DTNB: variants seen among roughly 807,000 people sequenced by gnomAD.
DTNB encodes dystrobrevin beta.
In DTNB, 63 loss-of-function variants were observed where a neutral mutation model predicts 90.7. That is an observed-to-expected ratio of 0.69 (90% CI 0.57 to 0.86). The LOEUF (loss-of-function observed/expected upper bound fraction) is 0.86. Ranked by LOEUF, DTNB falls within the 40% of genes least tolerant of loss-of-function variation. The pLI is 0.00. For synonymous variants in DTNB, 277 were observed against 286.7 expected (o/e 0.97, Z 0.34); for missense variants, 744 against 807.1 (o/e 0.92, Z 0.95).
intron 5 of DTNB, among the ~76,000 whole-genome samples, chr2:25,598,314 A>G (rs927917432): frequency 6.6e-5 from 10 of 152,088 alleles, no homozygotes; most frequent in South Asian, 4.2e-4. Flanking sequence ...ATGGTAGGGG[A>G]AAAAAAAGAC....
At chr2:25,531,421 A>G (rs2078148630) in intron 9 of DTNB, 52 bp downstream of exon 9, 1 of 1,567,120 alleles carries the variant, frequency 6.4e-7, no homozygotes, top group African/African-American at 1.4e-5. Flanking sequence ...CAGGAATTTC[A>G]CAAGGCCCCC....
chr2:25,544,179 T>TG (rs2151045011), intron 8 of DTNB, among the ~76,000 whole-genome samples: 1 of 152,156 alleles, frequency 6.6e-6, no homozygotes, highest in South Asian at 2.1e-4. Context: ...GAGTCAGGGG[T>TG]GGGGACACGG....
chr2:25,514,680 TC>T (rs141355165), intron 9 of DTNB, among the ~76,000 whole-genome samples: 21 of 139,198 alleles, frequency 1.5e-4, no homozygotes, highest in Admixed American at 5.0e-4. Flanking sequence ...TTGAAAAAAA[TC>T]TTTTTTTTTT....
chr2:25,416,447 G>C (rs143494828), intron 16 of DTNB, among the ~76,000 whole-genome samples: 1 of 152,172 alleles, frequency 6.6e-6, no homozygotes, highest in Non-Finnish European at 1.5e-5. Flanking sequence ...CAATGCGGGC[G>C]GATCAACTGA....
At chr2:25,653,445 A>C (rs2081367129) in intron 1 of DTNB, among the ~76,000 whole-genome samples, 2 of 149,820 alleles carry the variant, frequency 1.3e-5, no homozygotes, top group Admixed American at 1.3e-4. Flanking sequence ...AAAAAAAAAA[A>C]AGAAAGAAGG....
At chr2:25,485,659 C>T (rs1220478627) in intron 9 of DTNB, among the ~76,000 whole-genome samples, 1 of 152,108 alleles carries the variant, frequency 6.6e-6, no homozygotes. Flanking sequence ...TATATGTCTG[C>T]AGTTTAAAAT....
chr2:25,464,537 A>C (rs1393975158), intron 10 of DTNB, among the ~76,000 whole-genome samples: 4 of 152,216 alleles, frequency 2.6e-5, no homozygotes, highest in African/African-American at 9.7e-5. Flanking sequence ...CAAATGGGAG[A>C]TATACAGAGG....
chr2:25,474,582 T>TGCTATATTCTATA (rs1407487333), intron 10 of DTNB, among the ~76,000 whole-genome samples: 1 of 152,232 alleles, frequency 6.6e-6, no homozygotes, highest in African/African-American at 2.4e-5. Context: ...TTTGTCATTC[T>TGCTATATTCTATA]GCTATATTCT....
chr2:25,516,250 C>A (rs1384595230), intron 9 of DTNB, among the ~76,000 whole-genome samples: 2 of 151,918 alleles, frequency 1.3e-5, no homozygotes, highest in Non-Finnish European at 2.9e-5. Flanking sequence ...CTGTCACTTT[C>A]TTTCTTTCTT....
chr2:25,402,721 C>T (rs1166038407), intron 16 of DTNB, among the ~76,000 whole-genome samples: 2 of 152,156 alleles, frequency 1.3e-5, no homozygotes, highest in African/African-American at 4.8e-5. Flanking sequence ...ACTGTGATGG[C>T]TGGTGAGGCA....
chr2:25,455,467 A>C lies in DTNB; in HGVS notation c.1107T>G (p.Ser369Arg). 6.2e-7 allele frequency: 1 copy of C among 1,607,686 alleles called. No individual in the cohort carries two copies. The highest frequency in any genetic ancestry group is 2.2e-5 in the East Asian group (1 of 44,738). ...TCAGCGCATGCTCATCGGCCAAGTG[A>C]CTGGGTATATCCTGGCTATACTGTA... is the stretch of plus-strand genomic sequence containing the variant. The part of the protein sequence containing the change: ...KRLQYSQDIP[S>R]HLADEHALIA... Residue 369 changes from serine (S) to arginine (R), a missense_variant, in exon 11 of 21, where the codon AGT becomes AGG. Ser to Arg is a moderately radical substitution (Grantham distance 110). Coordinates refer to ENST00000406818, the MANE Select transcript of DTNB (RefSeq NM_021907.5).
At chr2:25,461,336 G>C (rs530344969) in intron 10 of DTNB, among the ~76,000 whole-genome samples, 26 of 152,192 alleles carry the variant, frequency 1.7e-4, no homozygotes, top group Non-Finnish European at 8.8e-5. Flanking sequence ...TTTGTTTGGG[G>C]TGTGGGGTGT....
At chr2:25,382,957 C>G (rs1228495280) in intron 19 of DTNB, among the ~76,000 whole-genome samples, 2 of 152,140 alleles carry the variant, frequency 1.3e-5, no homozygotes, top group African/African-American at 4.8e-5. Context: ...ACGTGAAAAT[C>G]ATTCCCTGCA....
intron 6 of DTNB, among the ~76,000 whole-genome samples, chr2:25,588,553 C>T (rs1334807773): frequency 2.6e-5 from 4 of 152,042 alleles, no homozygotes; most frequent in East Asian, 1.9e-4. Context: ...TTAGTAGTGA[C>T]GGGGTTTCAC....
In DTNB at chr2:25,424,278, C is replaced by A. The variant is rs1258278086; in HGVS notation, c.1554+3257G>T. ...GATATTTAAGAACCTGGCAGGGGAT[C>A]CTACAGGGGCAGCAGTGTCCTGCTT... On this transcript the variant is annotated intron_variant, in intron 15 of 20. Transcript: ENST00000406818. This position sits in a 1 kb window ranked among gnomAD's most constrained non-coding sequence, Gnocchi z 4.1. Among the ~76,000 whole-genome samples the A allele has an allele frequency of 6.6e-6, 1 of 152,172 alleles. No individual in the cohort carries two copies. The highest frequency in any genetic ancestry group is 1.5e-5 in the Non-Finnish European group (1 of 68,036).
intron 14 of DTNB, among the ~76,000 whole-genome samples, chr2:25,428,924 G>A (rs773286108): frequency 6.6e-6 from 1 of 152,156 alleles, no homozygotes; most frequent in African/African-American, 2.4e-5. Context: ...ATATGAGAGT[G>A]TTCTACGAAC....
intron 8 of DTNB, among the ~76,000 whole-genome samples, chr2:25,574,871 T>C (rs2060420760): frequency 6.6e-6 from 1 of 152,078 alleles, no homozygotes; most frequent in African/African-American, 2.4e-5. Context: ...CATATGCAAA[T>C]AAGACTTAGT....
chr2:25,454,357 G>C (rs368141606), intron 11 of DTNB, among the ~76,000 whole-genome samples: 246 of 152,274 alleles, frequency 1.6e-3, no homozygotes, highest in African/African-American at 5.6e-3. Flanking sequence ...AGCAAGGTCA[G>C]ATGACCCTCC....
At chr2:25,624,173 T>C (rs2073546323) in intron 4 of DTNB, among the ~76,000 whole-genome samples, 1 of 152,234 alleles carries the variant, frequency 6.6e-6, no homozygotes, top group African/African-American at 2.4e-5. Context: ...ACCTATGACC[T>C]GGAAGCTCCC....
Sources: allele counts gnomAD v4.1 joint callset (sites outside exome capture counted in the v4.1 genomes callset), GRCh38; gene constraint gnomAD v4.1.1; non-coding constraint Gnocchi (gnomAD v3.1); transcripts MANE v1.5; gene names NCBI Gene and HGNC (gene_info 2026-07-23, HGNC 2026-07-21).